Variants in CAST observed in about 807,000 individuals in gnomAD.
CAST encodes MIR583 host.
CAST carries 76 observed loss-of-function variants against 119.6 expected under a neutral mutation model. The ratio of observed to expected loss-of-function variants is 0.64; its 90% CI spans 0.53 to 0.77. The LOEUF (loss-of-function observed/expected upper bound fraction) is 0.77. Among genes scored for constraint, CAST ranks in the 30% least tolerant of loss-of-function variants. CAST has a pLI of 0.00. For missense variants in CAST, 953 were observed against 946.5 expected, an observed-to-expected ratio of 1.01 and a Z score of -0.09; for synonymous variants, 319 against 331.6, an observed-to-expected ratio of 0.96 and a Z score of 0.41.
chr5:96,036,965 G>A, the CAST span, among the ~76,000 whole-genome samples: 2 of 152,124 alleles, frequency 1.3e-5, no homozygotes, highest in Non-Finnish European at 2.9e-5. Context: ...ATAAAGAGAG[G>A]AGAGTCAGGA....
intron 1 of CAST, among the ~76,000 whole-genome samples, chr5:96,572,314 C>T (rs1746585226): frequency 1.3e-5 from 2 of 152,054 alleles, no homozygotes; most frequent in African/African-American, 4.8e-5. Flanking sequence ...AATTCTCCTA[C>T]TTCAGCCTCC....
At chr5:96,123,769 G>A in the CAST span, among the ~76,000 whole-genome samples, 7 of 152,138 alleles carry the variant, frequency 4.6e-5, no homozygotes, top group African/African-American at 1.7e-4. Flanking sequence ...TTCAACTCCC[G>A]AGTGGGAGAA....
chr5:96,099,535 T>G, the CAST span, among the ~76,000 whole-genome samples: 1 of 152,174 alleles, frequency 6.6e-6, no homozygotes, highest in Non-Finnish European at 1.5e-5. Flanking sequence ...TTAACATGAA[T>G]GGATGCTGAA....
At chr5:96,084,682 G>T in the CAST span, among the ~76,000 whole-genome samples, 1 of 152,204 alleles carries the variant, frequency 6.6e-6, no homozygotes, top group Admixed American at 6.5e-5. Context: ...GGGAGGCTGG[G>T]AAGCAGGGAC....
At chr5:96,482,369 G>A in the CAST span, among the ~76,000 whole-genome samples, 3 of 151,218 alleles carry the variant, frequency 2.0e-5, no homozygotes, top group Admixed American at 6.6e-5. Context: ...ACCTAATTAT[G>A]TGAAGCAATG....
chr5:96,427,073 C>A, the CAST span, among the ~76,000 whole-genome samples: 1 of 152,160 alleles, frequency 6.6e-6, no homozygotes, highest in African/African-American at 2.4e-5. Context: ...AAGTACTAAT[C>A]TTTGAGGTAG....
At chr5:96,359,082 T>C in the CAST span, among the ~76,000 whole-genome samples, 12 of 152,282 alleles carry the variant, frequency 7.9e-5, no homozygotes, top group African/African-American at 2.9e-4. Flanking sequence ...TCCCTTTACA[T>C]TGTGTAATGT....
the CAST span, among the ~76,000 whole-genome samples, chr5:96,442,240 C>A: frequency 1.1e-4 from 16 of 152,218 alleles, no homozygotes; most frequent in Non-Finnish European, 2.1e-4. Context: ...CCTGGAATAG[C>A]TCCTGAATCT....
the CAST span, chr5:96,411,095 A>G: frequency 1.2e-6 from 1 of 836,482 alleles, no homozygotes; most frequent in East Asian, 2.4e-5. Flanking sequence ...AGAGACAGCT[A>G]TTTGGGATCT....
In CAST at chr5:96,736,280, T is replaced by G. The variant is rs369753291; in HGVS notation, c.699+40T>G. The stretch of plus-strand genomic sequence containing the variant: ...GTGTCCTTCTACATGAGACAGTTAC[T>G]CATATGCTCTGTATTTATCATAATC... On this transcript the variant is annotated intron_variant, in intron 10 of 31. Transcript: ENST00000675179. 3 of 1,235,228 alleles carry G rather than the reference T, an allele frequency of 2.4e-6. No individual in the cohort carries two copies. In the African/African-American group the frequency reaches 4.5e-5, roughly 19 times the overall value. 76.5% of individuals were successfully genotyped at this position (1,235,228 alleles called of 1,614,324 possible).
chr5:96,065,826 C>T, the CAST span, among the ~76,000 whole-genome samples: 1 of 152,108 alleles, frequency 6.6e-6, no homozygotes, highest in Non-Finnish European at 1.5e-5. Context: ...GGCAATTAAC[C>T]CACAGATCCT....
At chr5:96,429,408 A>T in the CAST span, 2 of 718,142 alleles carry the variant, frequency 2.8e-6, no homozygotes, top group South Asian at 3.2e-5. Flanking sequence ...GAGATAGGCA[A>T]CTTTTATTAA....
the CAST span, among the ~76,000 whole-genome samples, chr5:96,229,726 C>A: frequency 6.6e-6 from 1 of 151,930 alleles, no homozygotes; most frequent in Non-Finnish European, 1.5e-5. Flanking sequence ...TTTTCACTCC[C>A]GTAATCTATT....
At chr5:96,442,620 C>T in the CAST span, among the ~76,000 whole-genome samples, 12,711 of 152,242 alleles carry the variant, frequency 0.083, 622 homozygotes, top group Middle Eastern at 0.099. Flanking sequence ...ATAATACTTA[C>T]GTGGATTAAG....
chr5:96,372,209 A>G, the CAST span, among the ~76,000 whole-genome samples: 1 of 152,200 alleles, frequency 6.6e-6, no homozygotes, highest in African/African-American at 2.4e-5. Flanking sequence ...AGTTTGTTAA[A>G]TATCAGGTGG....
the CAST span, among the ~76,000 whole-genome samples, chr5:96,261,220 T>C: frequency 2.0e-5 from 3 of 152,214 alleles, no homozygotes; most frequent in African/African-American, 7.2e-5. Context: ...TTTCCTACAA[T>C]GATGAAAATG....
chr5:96,663,713 G>A (rs887505278), intron 1 of CAST, among the ~76,000 whole-genome samples: 19 of 152,182 alleles, frequency 1.2e-4, no homozygotes, highest in African/African-American at 4.3e-4. Context: ...GAGAGCGGTG[G>A]AGGGGTGGAG....
At chr5:95,994,460 G>T in the CAST span, among the ~76,000 whole-genome samples, 1 of 152,084 alleles carries the variant, frequency 6.6e-6, no homozygotes, top group African/African-American at 2.4e-5. Context: ...GGCTGAGGCT[G>T]GGTGTTAGGG....
upstream of CAST, among the ~76,000 whole-genome samples, chr5:96,521,702 C>T (rs1745521673): frequency 6.6e-6 from 1 of 152,190 alleles, no homozygotes; most frequent in Non-Finnish European, 1.5e-5. Flanking sequence ...ATATTTTACT[C>T]ATCTTTGAAT....
Sources: gnomAD v4.1 joint callset for allele counts (sites outside exome capture counted in the v4.1 genomes callset) on GRCh38, gnomAD v4.1.1 for gene constraint, MANE v1.5 for transcripts, NCBI Gene and HGNC (gene_info 2026-07-23, HGNC 2026-07-21) for gene names.